ZNF444: variants seen among roughly 807,000 people sequenced by gnomAD.
ZNF444 encodes zinc finger protein 444.
ZNF444 carries 8 observed loss-of-function variants against 14.4 expected under a neutral mutation model. That is an observed-to-expected ratio of 0.56 (90% CI 0.33 to 1.00). The LOEUF (loss-of-function observed/expected upper bound fraction) is 1.00. Ranked by LOEUF, ZNF444 falls within the 50% of genes least tolerant of loss-of-function variation. The pLI is 0.03. For synonymous variants in ZNF444, 258 were observed against 235.9 expected, an observed-to-expected ratio of 1.09 and a Z score of -0.86; for missense variants, 510 against 504.8, an observed-to-expected ratio of 1.01 and a Z score of -0.10.
upstream of ZNF444, among the ~76,000 whole-genome samples, chr19:56,138,768 T>C (rs372833812): frequency 3.3e-5 from 5 of 150,658 alleles, no homozygotes; most frequent in East Asian, 9.7e-4. Context: ...TGGACAGTAG[T>C]GATGATTGCA....
In ZNF444 at chr19:56,160,029, C is replaced by G; in HGVS notation, c.812C>G (p.Thr271Arg). 6.6e-7 allele frequency: 1 copy of G among 1,510,572 alleles called. No homozygotes were observed. Among genetic ancestry groups the G allele is most frequent in the Non-Finnish European group, 8.8e-7 (1 of 1,135,328 alleles). The allele number at this position is 1,510,572 out of a possible 1,614,324, so 93.6% of individuals were successfully genotyped here. ...GAGCACCTGGTGCGCCACCGCAAGA[C>G]GCACTCGGGAGCGCGGCCCTTTGCC... ...WREHLVRHRK[T>R]HSGARPFACW... The change falls in exon 5 of 5, where the codon ACG becomes AGG. Residue 271 changes from threonine to arginine, a missense_variant. By Grantham distance (71) the Thr-to-Arg change is moderately conservative. Transcript: ENST00000337080.
chr19:56,137,701 G>A (rs765341063), upstream of ZNF444, among the ~76,000 whole-genome samples: 1 of 152,160 alleles, frequency 6.6e-6, no homozygotes, highest in Non-Finnish European at 1.5e-5. Context: ...CACACACAAA[G>A]GCACTCTATA....
rs192001959 is a variant in ZNF444 at position 56,152,488 on chromosome 19, T to G, written c.297+5280T>G. 5.7e-3 allele frequency among the ~76,000 whole-genome samples: 849 copies of G among 147,782 alleles called. 7 individuals are homozygous for G. The highest frequency in any genetic ancestry group is 0.02 in the Middle Eastern group (6 of 294). On this transcript the variant is annotated intron_variant, in intron 3 of 4. Transcript: ENST00000337080. ...TGGGTTGATTCCAGGGTTTTGTTTT[T>G]TTTTTTTTTTTAATAGAGCTGGTTT...
At chr19:56,139,181 A>T (rs970852926), upstream of ZNF444, among the ~76,000 whole-genome samples, 3 of 146,616 alleles carry the variant, frequency 2.0e-5, no homozygotes, top group African/African-American at 5.2e-5. Flanking sequence ...TACCACAATT[A>T]AAAAAAAAAG....
At position 56,144,694 on chromosome 19, in the gene ZNF444, A is replaced by G. The variant is rs955775767; in HGVS notation, c.-196-1553A>G. ...CTCTCAGACCTCACCGGCTAGAAGC[A>G]GATTATGTGCCCACCCTCTGCCTTG... On this transcript the variant is annotated intron_variant, in intron 1 of 4. Transcript: ENST00000337080. The surrounding 1 kb of genome is among the most constrained non-coding windows in gnomAD (Gnocchi z 4.0). Among the ~76,000 whole-genome samples the G allele has an allele frequency of 6.6e-6, 1 of 152,146 alleles. No individual in the cohort carries two copies. The highest frequency in any genetic ancestry group is 1.5e-5 in the Non-Finnish European group (1 of 68,042).
chr19:56,149,797 C>G (rs1403354658), intron 3 of ZNF444: 1 of 152,356 alleles, frequency 6.6e-6, no homozygotes, highest in Non-Finnish European at 1.5e-5. Flanking sequence ...ATCCATGTCC[C>G]TGCAAAGGAC....
chr19:56,140,427 GCAGTAGTCTGTCCAATAGGGGCA>G (rs1413411312), upstream of ZNF444, among the ~76,000 whole-genome samples: 11 of 152,288 alleles, frequency 7.2e-5, no homozygotes, highest in East Asian at 2.1e-3. Context: ...TCAGGACGGG[GCAGTAGTCTGTCCAATAGGGGCA>G]CAGCGAGGAC....
At chr19:56,146,531 G>A in intron 2 of ZNF444, 111 bp downstream of exon 2, 1 of 172,368 alleles carries the variant, frequency 5.8e-6, no homozygotes. Context: ...GCTCACGCCT[G>A]TAATTCCCAG....
At chr19:56,135,566 G>T (rs923230921) in intron 1 of ZNF444, among the ~76,000 whole-genome samples, 3 of 152,000 alleles carry the variant, frequency 2.0e-5, no homozygotes, top group Non-Finnish European at 4.4e-5. Flanking sequence ...TACCCAGGTG[G>T]CTGCCACAGC....
upstream of ZNF444, among the ~76,000 whole-genome samples, chr19:56,136,800 A>C (rs2030621907): frequency 6.6e-6 from 1 of 151,640 alleles, no homozygotes; most frequent in Non-Finnish European, 1.5e-5. Flanking sequence ...TTCTTTTTTT[A>C]GACGGAGTTT....
rs1385480946 is a variant in ZNF444 at position 56,144,121 on chromosome 19, CAATA to C, written c.-196-2125_-196-2122del. The stretch of plus-strand genomic sequence containing the variant: ...TCCAGCAGTTTGAGACCAGCCTGGG[CAATA>C]TAGTGAGACCCTGTCTCTACAAAAA... On this transcript the variant is annotated intron_variant, in intron 1 of 4. Transcript: ENST00000337080. This position sits in a 1 kb window ranked among gnomAD's most constrained non-coding sequence, Gnocchi z 4.0. 3.9e-5 allele frequency among the ~76,000 whole-genome samples: 6 copies of C among 152,010 alleles called. No homozygotes were observed. The highest frequency in any genetic ancestry group is 5.9e-5 in the Non-Finnish European group (4 of 68,002).
chr19:56,138,443 A>G (rs1412268576), upstream of ZNF444, among the ~76,000 whole-genome samples: 7 of 152,010 alleles, frequency 4.6e-5, no homozygotes, highest in African/African-American at 7.3e-5. Context: ...CCTGGGTAAC[A>G]TGGCAAAACG....
At chr19:56,138,854 C>T (rs550886983), upstream of ZNF444, among the ~76,000 whole-genome samples, 11 of 135,866 alleles carry the variant, frequency 8.1e-5, no homozygotes, top group African/African-American at 2.8e-4. Flanking sequence ...TGAAGTGCAG[C>T]GGTGCAATCT....
At chr19:56,156,444 C>T (rs1375584239) in intron 3 of ZNF444, 2 of 152,234 alleles carry the variant, frequency 1.3e-5, no homozygotes, top group African/African-American at 4.8e-5. Context: ...CCCTTCTTGG[C>T]CTCCTTTGGC....
upstream of ZNF444, among the ~76,000 whole-genome samples, chr19:56,139,421 T>C (rs545464858): frequency 3.3e-5 from 5 of 152,202 alleles, no homozygotes; most frequent in African/African-American, 1.2e-4. Flanking sequence ...GGCATGGTGG[T>C]TCACGCTTGC....
At chr19:56,134,172 C>A (rs1452651492) in intron 1 of ZNF444, among the ~76,000 whole-genome samples, 2 of 152,154 alleles carry the variant, frequency 1.3e-5, no homozygotes, top group Non-Finnish European at 2.9e-5. Flanking sequence ...GAACCAAACC[C>A]CATCCCTGCC....
At chr19:56,157,848 G>T (rs572904211) in intron 3 of ZNF444, 1 of 152,280 alleles carries the variant, frequency 6.6e-6, no homozygotes, top group South Asian at 2.1e-4. Context: ...CCTTGGGGAC[G>T]TGGTTTTGAG....
chr19:56,158,282 G>T (rs971875709), intron 3 of ZNF444: 47 of 480,298 alleles, frequency 9.8e-5, no homozygotes, highest in Non-Finnish European at 1.1e-4. Context: ...AAGGTTGGTG[G>T]CTTCAAGATG....
rs1405871204 is a variant in ZNF444 at position 56,147,676 on chromosome 19, C to T, written c.297+468C>T. ...TGTGTGGCTGACCTCAGCCTCCCGC[C>T]CCCTGAAAGTCAAGGATACCCCCTG... is the stretch of plus-strand genomic sequence containing the variant. On this transcript the variant is annotated intron_variant, in intron 3 of 4. Transcript: ENST00000337080. The surrounding 1 kb of genome is among the most constrained non-coding windows in gnomAD (Gnocchi z 5.9). Among the ~76,000 whole-genome samples the T allele has an allele frequency of 6.6e-6, 1 of 152,102 alleles. No individual in the cohort carries two copies. Among genetic ancestry groups the T allele is most frequent in the Non-Finnish European group, 1.5e-5 (1 of 68,002 alleles).
Sources: gnomAD v4.1 joint callset for allele counts (sites outside exome capture counted in the v4.1 genomes callset) on GRCh38, gnomAD v4.1.1 for gene constraint, Gnocchi (gnomAD v3.1) non-coding constraint, MANE v1.5 for transcripts, NCBI Gene and HGNC (gene_info 2026-07-23, HGNC 2026-07-21) for gene names.